The following IMMP2L variants were observed in gnomAD, a reference collection of about 807,000 sequenced individuals.
IMMP2L encodes the protein mitochondrial inner membrane protease subunit 2.
A neutral mutation model predicts 19.3 loss-of-function variants in IMMP2L; 18 were observed. The ratio of observed to expected loss-of-function variants is 0.93; its 90% confidence interval spans 0.64 to 1.38. The LOEUF (loss-of-function observed/expected upper bound fraction) is 1.38. Ranked by LOEUF, IMMP2L falls within the 40% of genes most tolerant of loss-of-function variation. The probability of loss-of-function intolerance (pLI) is 0.00; values close to 1 mark genes in which losing one functional copy is unlikely to be tolerated. For missense variants in IMMP2L, 233 were observed against 218.2 expected, an observed-to-expected ratio of 1.07 and a Z score of -0.43; for synonymous variants, 76 against 73.0, an observed-to-expected ratio of 1.04 and a Z score of -0.21.
At chr7:110,753,673 T>A in intron 5 of IMMP2L, among the ~76,000 whole-genome samples, 1 of 151,888 alleles carries the variant, frequency 6.6e-6, no homozygotes, top group East Asian at 1.9e-4. Context: ...TCATGTCTGA[T>A]TTTTCAAAAG....
intron 5 of IMMP2L, among the ~76,000 whole-genome samples, chr7:110,811,413 A>T (rs758623534): frequency 6.6e-6 from 1 of 152,020 alleles, no homozygotes; most frequent in Non-Finnish European, 1.5e-5. Context: ...AATGTGATAA[A>T]GGTTCATATA....
intron 3 of IMMP2L, among the ~76,000 whole-genome samples, chr7:111,134,853 T>A (rs1291916046): frequency 6.6e-6 from 1 of 152,088 alleles, no homozygotes; most frequent in Non-Finnish European, 1.5e-5. Flanking sequence ...AATATCCTGA[T>A]GCTAGCTCCT....
At chr7:110,904,533 A>G (rs1013080433) in intron 4 of IMMP2L, among the ~76,000 whole-genome samples, 2 of 152,186 alleles carry the variant, frequency 1.3e-5, no homozygotes, top group Admixed American at 1.3e-4. Context: ...TATTCTTGGC[A>G]TCCTTTTCAA....
chr7:111,454,120 T>C (rs1443107599), intron 3 of IMMP2L, among the ~76,000 whole-genome samples: 2 of 152,098 alleles, frequency 1.3e-5, no homozygotes, highest in African/African-American at 4.8e-5. Flanking sequence ...CTTTGGACTT[T>C]TTGAGGGTTT....
At position 111,377,798 on chromosome 7, in the gene IMMP2L, C is replaced by T. The variant is rs115524136; in HGVS notation, c.239+109440G>A. ...TTTAATCTCTTCACCCGAAGTAATG[C>T]TATGAACAATTTGCTGTTAATCCTA... On this transcript the variant is annotated intron_variant, in intron 3 of 5. Coordinates refer to ENST00000405709, the MANE Select transcript of IMMP2L (RefSeq NM_032549.4). Among the ~76,000 whole-genome samples, 1,353 of 152,056 alleles carry T rather than the reference C, an allele frequency of 8.9e-3. 24 individuals are homozygous for T. Among genetic ancestry groups the T allele is most frequent in the African/African-American group, 0.031 (1,273 of 41,516 alleles).
chr7:110,762,741 T>C (rs577579423), intron 5 of IMMP2L, among the ~76,000 whole-genome samples: 192 of 152,264 alleles, frequency 1.3e-3, no homozygotes, highest in African/African-American at 3.9e-3. Flanking sequence ...CACTTGTATT[T>C]TGGACACATG....
intron 3 of IMMP2L, among the ~76,000 whole-genome samples, chr7:111,427,239 A>G (rs1042674949): frequency 6.6e-6 from 1 of 151,708 alleles, no homozygotes; most frequent in South Asian, 2.1e-4. Context: ...GAGTTGGGCC[A>G]GAAGTTCAGA....
At chr7:111,012,735 T>C (rs1825100924) in intron 3 of IMMP2L, among the ~76,000 whole-genome samples, 1 of 152,146 alleles carries the variant, frequency 6.6e-6, no homozygotes, top group African/African-American at 2.4e-5. Context: ...CAGAGATGAA[T>C]GGGTCCAATC....
intron 3 of IMMP2L, among the ~76,000 whole-genome samples, chr7:111,012,363 C>T (rs571439179): frequency 9.9e-5 from 15 of 152,052 alleles, no homozygotes; most frequent in Non-Finnish European, 1.3e-4. Flanking sequence ...CACTATAGTG[C>T]GAACAGTATT....
At chr7:111,064,426 A>T (rs1302775127) in intron 3 of IMMP2L, among the ~76,000 whole-genome samples, 2 of 152,152 alleles carry the variant, frequency 1.3e-5, no homozygotes, top group Non-Finnish European at 2.9e-5. Context: ...AGGTGATAAT[A>T]CTTTGCAGGG....
At chr7:110,857,297 G>C (rs965376488) in intron 5 of IMMP2L, among the ~76,000 whole-genome samples, 5 of 152,064 alleles carry the variant, frequency 3.3e-5, no homozygotes, top group Non-Finnish European at 7.4e-5. Flanking sequence ...TAGCATACCA[G>C]TCTGGCTCTA....
At chr7:111,043,371 C>T (rs1382433740) in intron 3 of IMMP2L, among the ~76,000 whole-genome samples, 5 of 152,094 alleles carry the variant, frequency 3.3e-5, no homozygotes, top group Admixed American at 2.0e-4. Flanking sequence ...CTTAATGTCC[C>T]ACCTTCCTCC....
At chr7:110,784,141 C>T (rs1799918701) in intron 5 of IMMP2L, among the ~76,000 whole-genome samples, 1 of 151,830 alleles carries the variant, frequency 6.6e-6, no homozygotes, top group Admixed American at 6.6e-5. Flanking sequence ...AAGTAATATT[C>T]CTCATCATTG....
rs999003665 is a variant in IMMP2L, at chr7:110,677,571, C to T, written c.409-13850G>A. On this transcript the variant is annotated intron_variant, in intron 5 of 5. Coordinates refer to ENST00000405709, the MANE Select transcript of IMMP2L (RefSeq NM_032549.4). Reference sequence around the variant, plus strand: ...ATGCACACAGAATGCTTCCATTCCACGTAAGCACTGACTGATATGCACTCA... The same window carrying T: ...ATGCACACAGAATGCTTCCATTCCATGTAAGCACTGACTGATATGCACTCA... 3.9e-5 allele frequency among the ~76,000 whole-genome samples: 6 copies of T among 152,072 alleles called. No homozygotes were observed. In the East Asian group the frequency reaches 5.8e-4, roughly 15 times the overall value.
intron 3 of IMMP2L, among the ~76,000 whole-genome samples, chr7:111,228,722 A>G (rs1177343762): frequency 6.6e-6 from 1 of 152,108 alleles, no homozygotes; most frequent in Non-Finnish European, 1.5e-5. Context: ...AAAAATGCAT[A>G]AATATTCTAT....
intron 2 of IMMP2L, among the ~76,000 whole-genome samples, chr7:111,506,618 A>G (rs1332103580): frequency 6.6e-6 from 1 of 152,050 alleles, no homozygotes; most frequent in African/African-American, 2.4e-5. Context: ...GATGGTCTCA[A>G]TCTCCTAACC....
intron 5 of IMMP2L, among the ~76,000 whole-genome samples, chr7:110,800,582 A>T (rs1270548512): frequency 6.6e-6 from 1 of 152,084 alleles, no homozygotes; most frequent in African/African-American, 2.4e-5. Context: ...TTTCTTCCCA[A>T]AAAGTTAATA....
chr7:111,322,516 G>A (rs964899200), intron 3 of IMMP2L, among the ~76,000 whole-genome samples: 1 of 151,478 alleles, frequency 6.6e-6, no homozygotes, highest in African/African-American at 2.4e-5. Context: ...ATGTAGCTAA[G>A]TTTGAAACAA....
At chr7:111,468,973 C>A (rs1049738711) in intron 3 of IMMP2L, among the ~76,000 whole-genome samples, 3 of 152,014 alleles carry the variant, frequency 2.0e-5, no homozygotes, top group Admixed American at 6.6e-5. Context: ...TATCATCATA[C>A]ACATATATCC....
Sources: gnomAD v4.1 joint callset for allele counts (sites outside exome capture counted in the v4.1 genomes callset) on GRCh38, gnomAD v4.1.1 for gene constraint, MANE v1.5 for transcripts, NCBI Gene and HGNC (gene_info 2026-07-23, HGNC 2026-07-21) for gene names.